The following PIK3C2A variants were observed in gnomAD, a reference collection of about 807,000 sequenced individuals.
The protein encoded by PIK3C2A is phosphatidylinositol-4-phosphate 3-kinase catalytic subunit type 2 alpha.
PIK3C2A carries 97 observed loss-of-function variants against 204.5 expected under a neutral mutation model. The ratio of observed to expected loss-of-function variants is 0.47; its 90% confidence interval spans 0.40 to 0.56. The LOEUF (loss-of-function observed/expected upper bound fraction) is 0.56. Among genes scored for constraint, PIK3C2A ranks in the 20% least tolerant of loss-of-function variants. The pLI is 0.00. For synonymous variants in PIK3C2A, 653 were observed against 664.4 expected, an observed-to-expected ratio of 0.98 and a Z score of 0.26; for missense variants, 1,735 against 1,969.2, an observed-to-expected ratio of 0.88 and a Z score of 2.25.
Position 17,135,152 on chromosome 11 carries a change from G to T in PIK3C2A, c.1856C>A (p.Ser619Tyr), listed in dbSNP as rs746136089. 3 of 1,613,896 alleles carry T rather than the reference G, an allele frequency of 1.9e-6. No homozygotes were observed. The highest frequency in any genetic ancestry group is 8.5e-7 in the Non-Finnish European group (1 of 1,179,894). The change falls in exon 10 of 33, where the codon TCT becomes TAT. Residue 619 changes from serine to tyrosine, a missense_variant. Around this residue, in one of 6 missense-constraint regions of PIK3C2A, gnomAD observed 10 missense variants for 28.1 expected, o/e 0.36. Coordinates refer to ENST00000691414, the MANE Select transcript of PIK3C2A (RefSeq NM_002645.4). ...GCTAGTGTCTTCTCCTCCAAACAAA[G>T]AAGTCACCTACACATGCACACACAC... ...LPRSKTADVT[S>Y]LFGGEDTSRS...
intron 1 of PIK3C2A, among the ~76,000 whole-genome samples, chr11:17,200,878 G>A (rs544159710): frequency 2.6e-5 from 4 of 152,312 alleles, no homozygotes; most frequent in South Asian, 4.1e-4. Context: ...ATTCTAGCCT[G>A]ATAAATGTCA....
At chr11:17,175,759 T>C (rs1394234578) in intron 1 of PIK3C2A, among the ~76,000 whole-genome samples, 1 of 152,212 alleles carries the variant, frequency 6.6e-6, no homozygotes, top group Non-Finnish European at 1.5e-5. Flanking sequence ...AACAGAAGAA[T>C]TAATTTAAAA....
At chr11:17,097,476 T>C (rs1848486684) in intron 26 of PIK3C2A, among the ~76,000 whole-genome samples, 1 of 152,220 alleles carries the variant, frequency 6.6e-6, no homozygotes, top group African/African-American at 2.4e-5. Flanking sequence ...AATTCATGCT[T>C]GGTTTTCTTG....
intron 11 of PIK3C2A, among the ~76,000 whole-genome samples, chr11:17,134,148 G>A (rs538574665): frequency 4.2e-4 from 64 of 152,220 alleles, no homozygotes; most frequent in African/African-American, 1.5e-3. Context: ...TAAACACCAA[G>A]ATAACTGGTT....
intron 13 of PIK3C2A, among the ~76,000 whole-genome samples, chr11:17,128,290 CG>C (rs1849588386): frequency 1.0e-5 from 1 of 96,152 alleles, no homozygotes; most frequent in African/African-American, 4.2e-5. Flanking sequence ...TTTTTTTTGG[CG>C]GGGGGTGGGG....
In PIK3C2A at chr11:17,129,425, T is replaced by C. The variant is rs775549177; in HGVS notation, c.2274A>G (p.Ser758=). The change falls in exon 13 of 33, where the codon TCA becomes TCG. Residue 758 remains serine (S), a synonymous_variant. Coordinates refer to ENST00000691414, the MANE Select transcript of PIK3C2A (RefSeq NM_002645.4). The part of the protein sequence containing the change: ...PIQISQLPLE[S]VLHLTLFGIL... ...TTCCAAAAAGAGTAAGGTGAAGAAC[T>C]GATTCTAATGGCAATTGTGATATCT... is the stretch of plus-strand genomic sequence containing the variant. 3 of 1,609,886 alleles carry C rather than the reference T, an allele frequency of 1.9e-6. No individual in the cohort carries two copies. The highest frequency in any genetic ancestry group is 2.2e-5 in the South Asian group (2 of 90,938).
chr11:17,129,160 A>T (rs1849615929), intron 13 of PIK3C2A, 140 bp downstream of exon 13: 1 of 635,910 alleles, frequency 1.6e-6, no homozygotes, highest in Non-Finnish European at 2.8e-6. Flanking sequence ...CTCTGAACTG[A>T]CCTCCTTTTA....
intron 13 of PIK3C2A, among the ~76,000 whole-genome samples, chr11:17,127,771 A>C (rs974787573): frequency 5.3e-5 from 8 of 152,172 alleles, no homozygotes; most frequent in African/African-American, 1.9e-4. Context: ...AGAAATTTTC[A>C]TTCTCGGTAT....
chr11:17,196,359 G>C (rs1852155334), intron 1 of PIK3C2A, among the ~76,000 whole-genome samples: 1 of 152,090 alleles, frequency 6.6e-6, no homozygotes, highest in Non-Finnish European at 1.5e-5. Flanking sequence ...GTGGAAAATA[G>C]GCATAACAAA....
chr11:17,184,603 A>G (rs1851689921), intron 1 of PIK3C2A, among the ~76,000 whole-genome samples: 1 of 152,200 alleles, frequency 6.6e-6, no homozygotes, highest in Non-Finnish European at 1.5e-5. Context: ...TTTATAAAGT[A>G]AAAAGGTTAC....
intron 21 of PIK3C2A, 86 bp downstream of exon 21, chr11:17,112,488 C>G: frequency 1.6e-6 from 1 of 620,946 alleles, no homozygotes. Context: ...AAATATTAAA[C>G]AAAATCACCT....
At chr11:17,196,051 GAAAAGAAAAGAA>G (rs1384201989) in intron 1 of PIK3C2A, among the ~76,000 whole-genome samples, 54 of 151,136 alleles carry the variant, frequency 3.6e-4, no homozygotes, top group African/African-American at 1.1e-3. Flanking sequence ...AAGAAAAAAA[GAAAAGAAAAGAA>G]AAAAGAAAAG....
Position 17,147,625 on chromosome 11 carries a change from A to G in PIK3C2A, c.1452T>C (p.Asn484=), listed in dbSNP as rs779205113. 2 of 1,507,960 alleles carry G rather than the reference A, an allele frequency of 1.3e-6. No individual in the cohort carries two copies. The highest frequency in any genetic ancestry group is 1.8e-6 in the Non-Finnish European group (2 of 1,083,476). 93.4% of individuals were successfully genotyped at this position (1,507,960 alleles called of 1,614,324 possible). Residue 484 remains asparagine, a synonymous_variant, in exon 6 of 33, where the codon AAT becomes AAC. Transcript: ENST00000691414. ...VCGQEEVLQN[N]HCLGSHEHIQ... The stretch of plus-strand genomic sequence containing the variant: ...TATGCTCATGACTTCCAAGGCAATG[A>G]TTACTGTTAAGATATATTAATTATT...
chr11:17,178,708 T>C lies in PIK3C2A; in HGVS notation c.-65-8902A>G, dbSNP rs1383906631. ...CGCTAGCCACCACACCTGGTTGATT[T>C]TTGAATTTTTTTTTTTTTTTTTTTT... On this transcript the variant is annotated intron_variant, in intron 1 of 32. Transcript: ENST00000691414. Among the ~76,000 whole-genome samples, 76 of 133,638 alleles carry C rather than the reference T, an allele frequency of 5.7e-4. 1 individual carries two copies. In the Middle Eastern group the frequency reaches 0.016, roughly 27 times the overall value. The allele number at this position is 133,638 out of a possible 152,430, so 87.7% of individuals were successfully genotyped here. A position where few individuals can be genotyped will look rare whatever the true frequency, so the allele number is the denominator to read the frequency against.
At chr11:17,099,815 G>T in intron 26 of PIK3C2A, 45 bp downstream of exon 26, 1 of 841,136 alleles carries the variant, frequency 1.2e-6, no homozygotes, top group Non-Finnish European at 2.0e-6. Context: ...ACAAATCAAA[G>T]CAATATTTTA....
intron 26 of PIK3C2A, among the ~76,000 whole-genome samples, chr11:17,098,311 C>T (rs931725291): frequency 1.3e-5 from 2 of 152,114 alleles, no homozygotes; most frequent in Non-Finnish European, 2.9e-5. Context: ...AGGCCATAAA[C>T]AGTAGAGCCC....
intron 1 of PIK3C2A, among the ~76,000 whole-genome samples, chr11:17,197,308 C>A (rs1004676416): frequency 1.8e-4 from 28 of 152,164 alleles, no homozygotes; most frequent in Admixed American, 1.8e-3. Flanking sequence ...GCATGAGCCA[C>A]CGCACCTGGC....
intron 2 of PIK3C2A, among the ~76,000 whole-genome samples, chr11:17,165,782 G>GAAAAAAAAAAAA (rs35384397): frequency 1.3e-5 from 1 of 78,854 alleles, no homozygotes; most frequent in East Asian, 5.8e-4. Context: ...TCAAAAAAGT[G>GAAAAAAAAAAAA]AAAAAAAAAA....
chr11:17,195,455 C>T (rs891238999), intron 1 of PIK3C2A, among the ~76,000 whole-genome samples: 4 of 151,960 alleles, frequency 2.6e-5, no homozygotes, highest in Non-Finnish European at 5.9e-5. Context: ...TGCAGTGGCT[C>T]ATGCCAGCAA....
Sources: allele counts gnomAD v4.1 joint callset (sites outside exome capture counted in the v4.1 genomes callset), GRCh38; gene constraint gnomAD v4.1.1; regional missense constraint gnomAD v4.1.1; transcripts MANE v1.5; gene names NCBI Gene and HGNC (gene_info 2026-07-23, HGNC 2026-07-21).